The following ZFP82 variants were observed in gnomAD, a reference collection of about 807,000 sequenced individuals.
ZFP82 encodes the protein zinc finger protein 82 homolog.
Under a neutral mutation model 54.0 loss-of-function variants are expected in ZFP82, and 30 were observed. That is an observed-to-expected ratio of 0.56 (90% CI 0.42 to 0.75). ZFP82 has a LOEUF of 0.75. Among genes scored for constraint, ZFP82 ranks in the 30% least tolerant of loss-of-function variants. The probability of loss-of-function intolerance (pLI) is 0.00; values close to 1 mark genes in which losing one functional copy is unlikely to be tolerated. For missense variants in ZFP82, 500 were observed against 636.8 expected (o/e 0.79, Z 2.31); for synonymous variants, 194 against 209.5 (o/e 0.93, Z 0.64).
chr19:36,412,523 T>C (rs895449036), intron 1 of ZFP82, among the ~76,000 whole-genome samples: 9 of 152,220 alleles, frequency 5.9e-5, no homozygotes, highest in African/African-American at 2.2e-4. Flanking sequence ...TGTTCATGTA[T>C]GTCAGAGTTC....
chr19:36,404,411 C>T (rs2032445659), intron 4 of ZFP82, among the ~76,000 whole-genome samples: 1 of 152,218 alleles, frequency 6.6e-6, no homozygotes, highest in African/African-American at 2.4e-5. Flanking sequence ...CACCACTCCA[C>T]ACTCCTGTTT....
At chr19:36,407,430 A>C (rs1368594511) in intron 3 of ZFP82, among the ~76,000 whole-genome samples, 2 of 152,240 alleles carry the variant, frequency 1.3e-5, no homozygotes, top group East Asian at 3.8e-4. Context: ...ATTGTTTATT[A>C]ATGAAGGGAA....
At chr19:36,400,286 C>T (rs2032361845) in intron 4 of ZFP82, among the ~76,000 whole-genome samples, 2 of 152,202 alleles carry the variant, frequency 1.3e-5, no homozygotes, top group South Asian at 4.1e-4. Context: ...TAGACTTACT[C>T]TATTTGGGCA....
In ZFP82 at chr19:36,389,164, C is replaced by T. The variant is rs1568480997; in HGVS notation, c.*3577G>A. On this transcript the variant is annotated 3_prime_UTR_variant, in exon 5 of 5. Coordinates refer to ENST00000392161, the MANE Select transcript of ZFP82 (RefSeq NM_133466.4). ...AAGCGATTTTCCTGCCTCAGCCTCC[C>T]GAGTAGCTGGGACTACAGGCGTGCC... 1.3e-5 allele frequency among the ~76,000 whole-genome samples: 2 copies of T among 151,866 alleles called. No individual in the cohort carries two copies. Among genetic ancestry groups the T allele is most frequent in the Admixed American group, 6.6e-5 (1 of 15,236 alleles).
In ZFP82 at chr19:36,407,959, A is replaced by G; in HGVS notation, c.64T>C (p.Tyr22His). The G allele has an allele frequency of 6.2e-7, 1 of 1,614,152 alleles. No homozygotes were observed. The highest frequency in any genetic ancestry group is 8.5e-7 in the Non-Finnish European group (1 of 1,179,976). The change falls in exon 3 of 5, where the codon TAC becomes CAC. Residue 22 changes from tyrosine (Y) to histidine (H), a missense_variant. Tyr to His is a moderately conservative substitution (Grantham distance 83, BLOSUM62 2). Transcript: ENST00000392161. ...SIDFSPEEWEYLDLEQKDLYR... is the reference protein window; with the variant it reads ...SIDFSPEEWEHLDLEQKDLYR... ...AAGTCCTTTTGTTCCAAGTCCAGGT[A>G]TTCCCACTCTTCTGGAGAGAAGTCT...
At chr19:36,384,167 A>T (rs1022989105), downstream of ZFP82, 1 of 152,184 alleles carries the variant, frequency 6.6e-6, no homozygotes. Context: ...TACAGTAATA[A>T]ACACAGACCT....
chr19:36,387,806 G>T (rs1424406773), downstream of ZFP82, among the ~76,000 whole-genome samples: 1 of 152,082 alleles, frequency 6.6e-6, no homozygotes, highest in Non-Finnish European at 1.5e-5. Flanking sequence ...TAGAGATGGG[G>T]TTTCGCCATG....
rs190169579 is a variant in ZFP82, at chr19:36,400,421, C to T, written c.229+5159G>A. 4.0e-3 allele frequency among the ~76,000 whole-genome samples: 608 copies of T among 152,200 alleles called. 4 individuals carry two copies. Among genetic ancestry groups the T allele is most frequent in the Non-Finnish European group, 6.1e-3 (418 of 68,004 alleles). ...ACAAAGATCTGAAAATAGTAAAACCCGACATCTAAGGAACTGTACTTCGGA... is the reference window on the plus strand; with the variant it reads ...ACAAAGATCTGAAAATAGTAAAACCTGACATCTAAGGAACTGTACTTCGGA... On this transcript the variant is annotated intron_variant, in intron 4 of 4. Transcript: ENST00000392161.
intron 4 of ZFP82, 49 bp from the exon 5 acceptor site, chr19:36,394,159 GA>G: frequency 6.7e-7 from 1 of 1,482,196 alleles, no homozygotes; most frequent in Non-Finnish European, 9.1e-7. Flanking sequence ...TTTACTAAAA[GA>G]AGCAACATTT....
At chr19:36,413,570 A>C (rs2032615270) in intron 1 of ZFP82, among the ~76,000 whole-genome samples, 2 of 152,214 alleles carry the variant, frequency 1.3e-5, no homozygotes. Flanking sequence ...ATGATAAATT[A>C]CTAGCTATGG....
At chr19:36,409,636 A>T in intron 2 of ZFP82, 145 bp downstream of exon 2, 4 of 779,650 alleles carry the variant, frequency 5.1e-6, no homozygotes, top group Non-Finnish European at 8.8e-6. Context: ...TCATAGGACA[A>T]GCATTGTGGT....
chr19:36,399,512 A>G (rs1276796130), intron 4 of ZFP82, among the ~76,000 whole-genome samples: 1 of 152,258 alleles, frequency 6.6e-6, no homozygotes, highest in Non-Finnish European at 1.5e-5. Context: ...GAGATGGGTC[A>G]GTGGCTGGTC....
Position 36,392,476 on chromosome 19 carries a change from G to A in ZFP82, c.*265C>T, listed in dbSNP as rs2032215966. On this transcript the variant is annotated 3_prime_UTR_variant, in exon 5 of 5. Coordinates refer to ENST00000392161, the MANE Select transcript of ZFP82 (RefSeq NM_133466.4). ...TCATAAATTAAAAAATTATAGCACA[G>A]AGCAGTTAAGCGTCTTGTCCAGTAT... 2.8e-6 allele frequency: 1 copy of A among 356,254 alleles called. No homozygotes were observed. The highest frequency in any genetic ancestry group is 5.0e-6 in the Non-Finnish European group (1 of 199,092). The allele number at this position is 356,254 out of a possible 1,614,324, so 22.1% of individuals were successfully genotyped here. A position where few individuals can be genotyped will look rare whatever the true frequency, so the allele number is the denominator to read the frequency against.
rs765594280 is a variant in ZFP82 at position 36,393,543 on chromosome 19, C to G, written c.797G>C (p.Arg266Pro). The change falls in exon 5 of 5, where the codon CGA becomes CCA. Residue 266 changes from arginine to proline, a missense_variant. Coordinates refer to ENST00000392161, the MANE Select transcript of ZFP82 (RefSeq NM_133466.4). ...CKECGKAFRV[R>P]GQLTLHQRIH... ...CCTCTGATGCAGAGTAAGTTGTCCT[C>G]GTACCCTAAAAGCCTTCCCACATTC... is the stretch of plus-strand genomic sequence containing the variant. 1.2e-6 allele frequency: 2 copies of G among 1,614,126 alleles called. No individual in the cohort carries two copies. The highest frequency in any genetic ancestry group is 3.3e-5 in the Admixed American group (2 of 60,022).
downstream of ZFP82, among the ~76,000 whole-genome samples, chr19:36,386,979 A>T (rs1273171188): frequency 1.3e-5 from 2 of 152,206 alleles, no homozygotes; most frequent in African/African-American, 4.8e-5. Flanking sequence ...TTTTGGACCT[A>T]CTTGGGACCA....
rs547156863 is a variant in ZFP82 at position 36,399,218 on chromosome 19, C to T, written c.230-5108G>A. Among the ~76,000 whole-genome samples, 4 of 152,224 alleles carry T rather than the reference C, an allele frequency of 2.6e-5. No individual in the cohort carries two copies. In the South Asian group the frequency reaches 6.2e-4, roughly 24 times the overall value. ...TGGATAACCTTTATGAGGAAAACTT[C>T]GAAACACTCATGAAGTATTTAGCAT... On this transcript the variant is annotated intron_variant, in intron 4 of 4. Transcript: ENST00000392161.
rs1377700712 is a variant in ZFP82 at position 36,390,728 on chromosome 19, G to C, written c.*2013C>G. 2.0e-5 allele frequency: 3 copies of C among 151,810 alleles called. No individual in the cohort carries two copies. Among genetic ancestry groups the C allele is most frequent in the African/African-American group, 7.2e-5 (3 of 41,388 alleles). The allele number at this position is 151,810 out of a possible 1,614,324, so 9.4% of individuals were successfully genotyped here. ...TGATTTTGTAAAATTAAAGAGCGTA[G>C]TTTTCAAATTCTATCATTCATTTGA... On this transcript the variant is annotated 3_prime_UTR_variant, in exon 5 of 5. Transcript: ENST00000392161.
intron 4 of ZFP82, chr19:36,395,361 T>A (rs2032275518): frequency 6.6e-6 from 1 of 152,262 alleles, no homozygotes; most frequent in Non-Finnish European, 1.5e-5. Flanking sequence ...TCCCTCATAG[T>A]CAAGGCCATT....
intron 4 of ZFP82, among the ~76,000 whole-genome samples, chr19:36,403,717 C>G (rs993202108): frequency 6.6e-6 from 1 of 151,398 alleles, no homozygotes; most frequent in Non-Finnish European, 1.5e-5. Flanking sequence ...ATCATTCTCT[C>G]TAGAGTCTAT....
Sources: allele counts gnomAD v4.1 joint callset (sites outside exome capture counted in the v4.1 genomes callset), GRCh38; gene constraint gnomAD v4.1.1; transcripts MANE v1.5; gene names NCBI Gene and HGNC (gene_info 2026-07-23, HGNC 2026-07-21).